The following NDUFAF6 variants were observed in gnomAD, a reference collection of about 807,000 sequenced individuals.
NDUFAF6 encodes NADH:ubiquinone oxidoreductase complex assembly factor 6, also known as NADH dehydrogenase (ubiquinone) complex I, assembly factor 6.
NDUFAF6 carries 45 observed loss-of-function variants against 40.8 expected under a neutral mutation model. That is an observed-to-expected ratio of 1.10 (90% CI 0.87 to 1.42). The LOEUF (loss-of-function observed/expected upper bound fraction) is 1.42, where lower values mean the gene tolerates loss of function less well. Among genes scored for constraint, NDUFAF6 ranks in the 40% most tolerant of loss-of-function variants. NDUFAF6 has a pLI of 0.00. For synonymous variants in NDUFAF6, 185 were observed against 155.9 expected (o/e 1.19, Z -1.39); for missense variants, 435 against 418.5 (o/e 1.04, Z -0.34).
In NDUFAF6 at chr8:95,057,858, T is replaced by C. The variant is rs368450784; in HGVS notation, c.923T>C (p.Ile308Thr). 1.3e-5 allele frequency: 21 copies of C among 1,610,692 alleles called. No individual in the cohort carries two copies. In the African/African-American group the frequency reaches 2.1e-4, roughly 16 times the overall value. Residue 308 changes from isoleucine to threonine, a missense_variant, in exon 9 of 9, where the codon ATA becomes ACA. Coordinates refer to ENST00000396124, the MANE Select transcript of NDUFAF6 (RefSeq NM_152416.4). ...LKKIQRVDFD[I>T]FHPSLQQKNT... ...AAAATTCAGCGAGTGGATTTTGATA[T>C]ATTCCACCCATCTTTACAGCAGAAG...
chr8:95,034,930 A>G (rs1021692229), intron 2 of NDUFAF6, among the ~76,000 whole-genome samples: 14 of 151,664 alleles, frequency 9.2e-5, no homozygotes, highest in South Asian at 2.1e-4. Flanking sequence ...CCCAGGCTAG[A>G]GTGTGGTGGT....
In NDUFAF6 at chr8:95,041,588, C is replaced by CT; in HGVS notation, c.440dup (p.Thr148AspfsTer2). The CT allele has an allele frequency of 6.2e-7, 1 of 1,611,774 alleles. No individual in the cohort carries two copies. Among genetic ancestry groups the CT allele is most frequent in the Non-Finnish European group, 8.5e-7 (1 of 1,178,106 alleles). ...TTTTTAGGCTGTTAAAAGACATAAT[C>CT]TGACTAAAAGATGGCTTATGAAAAT... On this transcript the variant is annotated frameshift_variant, in exon 4 of 9. Coordinates refer to ENST00000396124, the MANE Select transcript of NDUFAF6 (RefSeq NM_152416.4). LOFTEE classifies it high-confidence loss of function.
intron 1 of NDUFAF6, among the ~76,000 whole-genome samples, chr8:94,959,795 C>T (rs771568345): frequency 3.1e-4 from 47 of 152,202 alleles, no homozygotes; most frequent in Non-Finnish European, 6.3e-4. Flanking sequence ...TCGCCTTGCC[C>T]TCCCAAAGTG....
At chr8:94,935,128 T>TTAG (rs149916195) in intron 1 of NDUFAF6, among the ~76,000 whole-genome samples, 5 of 144,640 alleles carry the variant, frequency 3.5e-5, no homozygotes, top group Non-Finnish European at 6.0e-5. Context: ...GGTAGATAGA[T>TTAG]ATAGATAGAT....
At chr8:94,928,741 T>G (rs1820118050) in intron 1 of NDUFAF6, 1 of 152,212 alleles carries the variant, frequency 6.6e-6, no homozygotes, top group African/African-American at 2.4e-5. Context: ...CGCTCTAATC[T>G]AGTCAGAAAA....
intron 1 of NDUFAF6, among the ~76,000 whole-genome samples, chr8:94,924,746 TTTG>T (rs1213053248): frequency 1.4e-5 from 2 of 143,716 alleles, no homozygotes; most frequent in Admixed American, 6.7e-5. Flanking sequence ...TTTGTTCTGT[TTTG>T]TTTTGTTTTT....
chr8:94,941,794 G>A (rs1821560070), intron 1 of NDUFAF6, among the ~76,000 whole-genome samples: 1 of 152,172 alleles, frequency 6.6e-6, no homozygotes, highest in African/African-American at 2.4e-5. Flanking sequence ...ACTTCAGCTG[G>A]CAACAGCTCC....
At chr8:94,973,947 T>C (rs1487988922) in intron 1 of NDUFAF6, among the ~76,000 whole-genome samples, 1 of 152,052 alleles carries the variant, frequency 6.6e-6, no homozygotes, top group African/African-American at 2.4e-5. Context: ...GTTTCTGCTG[T>C]TTATAAACCA....
intron 2 of NDUFAF6, among the ~76,000 whole-genome samples, chr8:94,990,127 A>G (rs539538443): frequency 1.3e-5 from 2 of 152,300 alleles, no homozygotes; most frequent in South Asian, 4.1e-4. Flanking sequence ...GGCCTCCAGA[A>G]CAAAAGGATC....
At chr8:95,091,139 C>G (rs1809236960) in intron 2 of NDUFAF6, among the ~76,000 whole-genome samples, 1 of 151,958 alleles carries the variant, frequency 6.6e-6, no homozygotes, top group Non-Finnish European at 1.5e-5. Context: ...CGCCAAACAC[C>G]TGCTGTATTA....
At chr8:95,054,367 G>A (rs1246649608) in intron 8 of NDUFAF6, among the ~76,000 whole-genome samples, 1 of 151,622 alleles carries the variant, frequency 6.6e-6, no homozygotes, top group East Asian at 1.9e-4. Context: ...TAGAAATGCA[G>A]ATCTTGGGCT....
intron 2 of NDUFAF6, 43 bp from the exon 3 acceptor site, chr8:95,035,411 A>C (rs771439449): frequency 2.5e-6 from 4 of 1,608,760 alleles, no homozygotes; most frequent in Non-Finnish European, 3.4e-6. Context: ...TTTTTTAGAC[A>C]GTAGACAATG....
At chr8:95,058,855 C>T (rs1587207036), downstream of NDUFAF6, 3 of 868,854 alleles carry the variant, frequency 3.5e-6, no homozygotes, top group East Asian at 1.2e-4. Context: ...TGTTTGAGAC[C>T]AGCCTGGGCA....
intron 2 of NDUFAF6, among the ~76,000 whole-genome samples, chr8:95,081,842 A>G (rs988046693): frequency 1.3e-5 from 2 of 151,716 alleles, no homozygotes; most frequent in African/African-American, 4.8e-5. Flanking sequence ...CGAGCGGATC[A>G]TGAGGTCAGG....
intron 1 of NDUFAF6, among the ~76,000 whole-genome samples, chr8:94,976,430 G>C (rs998587956): frequency 2.7e-5 from 4 of 150,178 alleles, no homozygotes; most frequent in African/African-American, 9.8e-5. Context: ...CTTGAACCAG[G>C]AGGTGGAGGT....
intron 9 of NDUFAF6, chr8:95,067,591 A>T (rs1199377590): frequency 4.6e-5 from 7 of 152,056 alleles, no homozygotes; most frequent in Non-Finnish European, 7.3e-5. Flanking sequence ...GTCCACACGG[A>T]GGGGAGGGGC....
At chr8:95,105,826 G>C (rs150894470), downstream of NDUFAF6, among the ~76,000 whole-genome samples, 1 of 151,872 alleles carries the variant, frequency 6.6e-6, no homozygotes, top group Admixed American at 6.6e-5. Flanking sequence ...TGTAGAGATG[G>C]AGTTTTGCTA....
At chr8:94,898,592 A>G (rs1467072897) in intron 1 of NDUFAF6, among the ~76,000 whole-genome samples, 1 of 152,152 alleles carries the variant, frequency 6.6e-6, no homozygotes, top group Non-Finnish European at 1.5e-5. Context: ...GGCTGAGGTA[A>G]TGTTTGTCAG....
intron 2 of NDUFAF6, among the ~76,000 whole-genome samples, chr8:95,093,234 T>C (rs1200449267): frequency 6.6e-6 from 1 of 152,216 alleles, no homozygotes; most frequent in Non-Finnish European, 1.5e-5. Flanking sequence ...ACTTTATCTA[T>C]GTCTTGGGTT....
Sources: gnomAD v4.1 joint callset for allele counts (sites outside exome capture counted in the v4.1 genomes callset) on GRCh38, gnomAD v4.1.1 for gene constraint, MANE v1.5 for transcripts, NCBI Gene and HGNC (gene_info 2026-07-23, HGNC 2026-07-21) for gene names.